Variants in PEX5 observed in about 807,000 individuals in gnomAD.
The protein encoded by PEX5 is PTS1 receptor.
In PEX5, 52 loss-of-function variants were observed where a neutral mutation model predicts 82.9. The observed-to-expected ratio is 0.63, with a 90% confidence interval of 0.50 to 0.79. The LOEUF is 0.79. Ranked by LOEUF, PEX5 falls within the 30% of genes least tolerant of loss-of-function variation. The pLI is 0.00. For synonymous variants in PEX5, 300 were observed against 318.8 expected (o/e 0.94, Z 0.63); for missense variants, 719 against 815.2 (o/e 0.88, Z 1.44).
chr12:7,204,210 T>C (rs1473385459), intron 10 of PEX5, among the ~76,000 whole-genome samples: 1 of 152,190 alleles, frequency 6.6e-6, no homozygotes, highest in Non-Finnish European at 1.5e-5. Flanking sequence ...ACTGAGCTCC[T>C]GAGTTGAAAC....
rs2136073784 is a variant in PEX5 at position 7,199,015 on chromosome 12, C to T, written c.453C>T (p.Pro151=). The T allele has an allele frequency of 6.3e-7, 1 of 1,594,074 alleles. No homozygotes were observed. Among genetic ancestry groups the T allele is most frequent in the East Asian group, 2.2e-5 (1 of 44,456 alleles). The change falls in exon 6 of 16, where the codon CCC becomes CCT. Residue 151 remains proline (P), a synonymous_variant. Transcript: ENST00000675855. ...SQEFISEVTD[P]LSVSPARWAE... ...CCACTTCTCTGCTCCTTGCAGACCC[C>T]TTGTCTGTGTCCCCTGCCCGCTGGG...
chr12:7,202,392 T>TG, intron 8 of PEX5, 41 bp downstream of exon 8: 1 of 1,611,574 alleles, frequency 6.2e-7, no homozygotes, highest in Non-Finnish European at 8.5e-7. Context: ...CAGAGCCAGC[T>TG]GATGCCCCAG....
downstream of PEX5, among the ~76,000 whole-genome samples, chr12:7,215,655 C>T (rs1191693213): frequency 2.6e-5 from 4 of 152,170 alleles, no homozygotes; most frequent in South Asian, 4.1e-4. Context: ...AAACCAAATA[C>T]CACAGATTCT....
intron 5 of PEX5, among the ~76,000 whole-genome samples, chr12:7,196,431 GC>G (rs1942271407): frequency 7.3e-6 from 1 of 136,516 alleles, no homozygotes; most frequent in South Asian, 2.4e-4. Context: ...AATTATATGT[GC>G]CATATATAAT....
intron 5 of PEX5, among the ~76,000 whole-genome samples, chr12:7,196,230 AATTTAATTATATGTCAT>A (rs1316156163): frequency 7.8e-5 from 3 of 38,240 alleles, no homozygotes; most frequent in African/African-American, 1.7e-4. Context: ...TGTCATATAT[AATTTAATTATATGTCAT>A]ATTTAATTAT....
intron 12 of PEX5, 125 bp downstream of exon 12, chr12:7,208,205 C>T: frequency 1.2e-6 from 1 of 807,700 alleles, no homozygotes; most frequent in Non-Finnish European, 2.2e-6. Flanking sequence ...TTTTCTCATG[C>T]TGAAACTCTG....
At chr12:7,189,915 G>A (rs1940639175) in intron 1 of PEX5, 165 bp downstream of exon 1, 1 of 1,437,560 alleles carries the variant, frequency 7.0e-7, no homozygotes, top group Non-Finnish European at 9.0e-7. Context: ...GAAGGGCTCC[G>A]GTGACTTAAG....
upstream of PEX5, chr12:7,188,746 C>A (rs1228460721): frequency 6.6e-6 from 1 of 152,618 alleles, no homozygotes. Context: ...GGTCATTTAC[C>A]GGCAGCCCTG....
At chr12:7,198,038 T>A (rs1342942422) in intron 5 of PEX5, among the ~76,000 whole-genome samples, 13 of 151,726 alleles carry the variant, frequency 8.6e-5, no homozygotes, top group Non-Finnish European at 1.5e-4. Context: ...CCGCAGTCAG[T>A]CTCCTTGTTT....
chr12:7,190,945 C>A (rs754091664), intron 3 of PEX5, 22 bp downstream of exon 3: 1 of 1,608,090 alleles, frequency 6.2e-7, no homozygotes, highest in Non-Finnish European at 8.5e-7. Flanking sequence ...AGTCTCTTTT[C>A]TGTCCCATTT....
rs1940543599 is a variant in PEX5 at position 7,189,732 on chromosome 12, T to G, written c.-35T>G. ...CAGCACCTGGTGCCCCGGCGGGTCGTGCGGCGCGGCGCTCCGCGGTGAGCG... is the reference window on the plus strand; with the variant it reads ...CAGCACCTGGTGCCCCGGCGGGTCGGGCGGCGCGGCGCTCCGCGGTGAGCG... On this transcript the variant is annotated 5_prime_UTR_variant, in exon 1 of 16. Coordinates refer to ENST00000675855, the MANE Select transcript of PEX5 (RefSeq NM_001351132.2). The G allele has an allele frequency of 7.8e-6, 3 of 383,928 alleles. No individual in the cohort carries two copies. Among genetic ancestry groups the G allele is most frequent in the African/African-American group, 2.1e-5 (1 of 47,002 alleles). The allele number at this position is 383,928 out of a possible 1,614,324, so 23.8% of individuals were successfully genotyped here. A position where few individuals can be genotyped will look rare whatever the true frequency, so the allele number is the denominator to read the frequency against.
intron 10 of PEX5, among the ~76,000 whole-genome samples, chr12:7,205,672 C>T (rs1356931099): frequency 6.6e-6 from 1 of 152,076 alleles, no homozygotes; most frequent in Non-Finnish European, 1.5e-5. Flanking sequence ...GTTGAGGGAT[C>T]CCCCAGAGTA....
downstream of PEX5, chr12:7,213,011 A>G (rs756211966): frequency 6.6e-6 from 1 of 152,150 alleles, no homozygotes; most frequent in African/African-American, 2.4e-5. Context: ...TAGGAATCCA[A>G]CTTACAAGGG....
At chr12:7,196,064 A>G (rs1019711571) in intron 5 of PEX5, among the ~76,000 whole-genome samples, 4 of 145,974 alleles carry the variant, frequency 2.7e-5, no homozygotes, top group African/African-American at 9.9e-5. Context: ...TTTACATTAT[A>G]TATAATGTAT....
downstream of PEX5, among the ~76,000 whole-genome samples, chr12:7,214,353 A>G (rs2136291806): frequency 6.6e-6 from 1 of 152,122 alleles, no homozygotes; most frequent in Non-Finnish European, 1.5e-5. Flanking sequence ...GATTAAGAAA[A>G]TGTGGCACAT....
intron 9 of PEX5, among the ~76,000 whole-genome samples, chr12:7,203,135 G>A (rs1173610564): frequency 8.2e-6 from 1 of 122,114 alleles, no homozygotes; most frequent in South Asian, 2.7e-4. Context: ...TCTAGCCTGG[G>A]CAACGAGAGT....
chr12:7,202,807 G>A, intron 9 of PEX5, 103 bp downstream of exon 9: 1 of 868,972 alleles, frequency 1.2e-6, no homozygotes, highest in Non-Finnish European at 1.9e-6. Flanking sequence ...TTTCATAGTG[G>A]ACCTGGATCA....
intron 8 of PEX5, 43 bp downstream of exon 8, chr12:7,202,394 A>G: frequency 6.2e-7 from 1 of 1,611,006 alleles, no homozygotes; most frequent in Non-Finnish European, 8.5e-7. Context: ...GAGCCAGCTG[A>G]TGCCCCAGGC....
intron 10 of PEX5, among the ~76,000 whole-genome samples, chr12:7,205,456 C>T (rs1210318277): frequency 6.6e-6 from 1 of 152,198 alleles, no homozygotes; most frequent in Non-Finnish European, 1.5e-5. Flanking sequence ...AGACAATTTA[C>T]ATTGCAGCTC....
Sources: allele counts gnomAD v4.1 joint callset (sites outside exome capture counted in the v4.1 genomes callset), GRCh38; gene constraint gnomAD v4.1.1; transcripts MANE v1.5; gene names NCBI Gene and HGNC (gene_info 2026-07-23, HGNC 2026-07-21).